The following ACOT7 variants were observed in gnomAD, a reference collection of about 807,000 sequenced individuals.
The protein encoded by ACOT7 is acyl-CoA thioesterase 7.
Under a neutral mutation model 40.2 loss-of-function variants are expected in ACOT7, and 12 were observed. That is an observed-to-expected ratio of 0.30 (90% CI 0.19 to 0.48). The LOEUF is 0.48. ACOT7 is among the 20% of genes least tolerant of loss of function. The pLI is 0.99. For synonymous variants in ACOT7, 228 were observed against 219.5 expected (o/e 1.04, Z -0.34); for missense variants, 395 against 530.8 (o/e 0.74, Z 2.51).
intron 7 of ACOT7, among the ~76,000 whole-genome samples, chr1:6,293,034 C>T (rs1225461898): frequency 6.6e-6 from 1 of 151,724 alleles, no homozygotes; most frequent in African/African-American, 2.4e-5. Flanking sequence ...GGACTACAGG[C>T]ACCCGCCACC....
chr1:6,376,788 C>T (rs1045141875), intron 1 of ACOT7, among the ~76,000 whole-genome samples: 2 of 147,108 alleles, frequency 1.4e-5, no homozygotes, highest in East Asian at 4.0e-4. Context: ...CCCAGCTACT[C>T]GGGAGGCTGA....
At chr1:6,360,601 C>T (rs146144846) in intron 1 of ACOT7, 26 of 1,614,224 alleles carry the variant, frequency 1.6e-5, no homozygotes, top group South Asian at 4.4e-5. Context: ...CAGGCCCTGT[C>T]GACTTCCTTT....
At chr1:6,393,227 G>T in intron 1 of ACOT7, 30 bp downstream of exon 1, 1 of 1,266,274 alleles carries the variant, frequency 7.9e-7, no homozygotes, top group Non-Finnish European at 9.9e-7. Context: ...GCGCCTGGCC[G>T]CTGCAGGCTG....
At chr1:6,268,609 A>C (rs1352505645) in intron 8 of ACOT7, among the ~76,000 whole-genome samples, 3 of 152,196 alleles carry the variant, frequency 2.0e-5, no homozygotes, top group African/African-American at 7.2e-5. Context: ...GCTAAGAGCT[A>C]ACTCAGGACC....
At position 6,281,170 on chromosome 1, in the gene ACOT7, C is replaced by T; in HGVS notation, c.946G>A (p.Ala316Thr). ...VDSSQKRYRA[A>T]SAFFTYVSLS... ...GACACGTAGGTGAAGAAGGCACTGG[C>T]GGCCCGGTAGCGCTTCTGAGAGCTG... Residue 316 changes from alanine (A) to threonine (T), a missense_variant, in exon 8 of 9, where the codon GCC (alanine) becomes ACC (threonine). Physicochemically the swap from Ala to Thr is moderately conservative, Grantham distance 58 (BLOSUM62 0). Around this residue, in one of 2 missense-constraint regions of ACOT7, gnomAD observed 309 missense variants for 470.3 expected, o/e 0.66. Transcript: ENST00000361521. 1.2e-6 allele frequency: 2 copies of T among 1,614,160 alleles called. No individual in the cohort carries two copies. Among genetic ancestry groups the T allele is most frequent in the Non-Finnish European group, 1.7e-6 (2 of 1,180,054 alleles).
Position 6,358,199 on chromosome 1 carries a change from G to T in ACOT7, c.144-8333C>A, listed in dbSNP as rs2148463945. 6.6e-6 allele frequency among the ~76,000 whole-genome samples: 1 copy of T among 152,214 alleles called. No individual in the cohort carries two copies. The highest frequency in any genetic ancestry group is 6.5e-5 in the Admixed American group (1 of 15,288). ...TTCTCCTCTTTGACTTGCTGCCTAA[G>T]GCAGTTCCGGCGAAGTCCCTTCAAC... On this transcript the variant is annotated intron_variant, in intron 1 of 8. Coordinates refer to ENST00000361521, the MANE Select transcript of ACOT7 (RefSeq NM_007274.4). The surrounding 1 kb of genome is among the most constrained non-coding windows in gnomAD (Gnocchi z 4.1).
In ACOT7 at chr1:6,360,756, T is replaced by C. The variant is rs1386919798; in HGVS notation, c.144-10890A>G. The C allele has an allele frequency of 8.9e-6, 14 of 1,572,126 alleles. No homozygotes were observed. The Admixed American group carries it at 2.5e-4, about 28-fold the overall frequency. On this transcript the variant is annotated intron_variant, in intron 1 of 8. Coordinates refer to ENST00000361521, the MANE Select transcript of ACOT7 (RefSeq NM_007274.4). ...ACTGTGCCCTTTGGACTTGGCCTCA[T>C]CCCTCCAGGCGGGCATTGCTGCCTC...
At chr1:6,270,185 T>C (rs755317540) in intron 8 of ACOT7, among the ~76,000 whole-genome samples, 1 of 152,250 alleles carries the variant, frequency 6.6e-6, no homozygotes, top group Non-Finnish European at 1.5e-5. Flanking sequence ...GCAAGACAGA[T>C]GTCTCCAGCA....
chr1:6,385,773 C>T, intron 1 of ACOT7: 3 of 1,453,180 alleles, frequency 2.1e-6, no homozygotes, highest in Non-Finnish European at 2.7e-6. Flanking sequence ...TGTGATCCCT[C>T]CCTGATAGAA....
intron 6 of ACOT7, among the ~76,000 whole-genome samples, chr1:6,302,038 G>A (rs1357250141): frequency 6.6e-6 from 1 of 152,198 alleles, no homozygotes; most frequent in African/African-American, 2.4e-5. Flanking sequence ...CAGGCCAGGG[G>A]GGCTGTCGTA....
rs1641623416 is a variant in ACOT7 at position 6,352,581 on chromosome 1, C to T, written c.144-2715G>A. Among the ~76,000 whole-genome samples, 2 of 151,388 alleles carry T rather than the reference C, an allele frequency of 1.3e-5. No homozygotes were observed. Among genetic ancestry groups the T allele is most frequent in the African/African-American group, 2.4e-5 (1 of 41,110 alleles). ...AGCTGCTGCGTCTCACTGGAGACTT[C>T]GTTTTCCCATTTCTTTTTTTTTTTT... On this transcript the variant is annotated intron_variant, in intron 1 of 8. Coordinates refer to ENST00000361521, the MANE Select transcript of ACOT7 (RefSeq NM_007274.4). This position sits in a 1 kb window ranked among gnomAD's most constrained non-coding sequence, Gnocchi z 4.5.
At chr1:6,363,041 A>AT (rs1641924545) in intron 1 of ACOT7, among the ~76,000 whole-genome samples, 1 of 152,248 alleles carries the variant, frequency 6.6e-6, no homozygotes, top group Non-Finnish European at 1.5e-5. Flanking sequence ...CATAGACGTG[A>AT]TTATATATGA....
At chr1:6,280,138 C>T (rs773435972) in intron 8 of ACOT7, among the ~76,000 whole-genome samples, 5 of 152,224 alleles carry the variant, frequency 3.3e-5, no homozygotes, top group East Asian at 1.9e-4. Flanking sequence ...TCCATGAGAA[C>T]GCCAGCTCCC....
chr1:6,329,968 C>A (rs1408691643), intron 4 of ACOT7, among the ~76,000 whole-genome samples: 1 of 152,046 alleles, frequency 6.6e-6, no homozygotes, highest in East Asian at 1.9e-4. Context: ...GAAGGTGGAG[C>A]AAAGAAAAGA....
rs1436600596 is a variant in ACOT7 at position 6,282,944 on chromosome 1, T to C, written c.830-1658A>G. On this transcript the variant is annotated intron_variant, in intron 7 of 8. Transcript: ENST00000361521. This position sits in a 1 kb window ranked among gnomAD's most constrained non-coding sequence, Gnocchi z 4.5. ...TCTCCCAGCATCTCTGCCTCCTTCC[T>C]CACAATGCCCAGCCCACATCCCTCA... is the stretch of plus-strand genomic sequence containing the variant. 1.0e-5 allele frequency: 5 copies of C among 490,494 alleles called. No homozygotes were observed. Among genetic ancestry groups the C allele is most frequent in the African/African-American group, 2.0e-5 (1 of 50,394 alleles). The allele number at this position is 490,494 out of a possible 1,614,324, so 30.4% of individuals were successfully genotyped here.
At chr1:6,342,685 C>A (rs988523269) in intron 2 of ACOT7, among the ~76,000 whole-genome samples, 3 of 152,236 alleles carry the variant, frequency 2.0e-5, no homozygotes, top group Non-Finnish European at 2.9e-5. Context: ...GAACATTCTT[C>A]TTCTGTTAGA....
Position 6,266,704 on chromosome 1 carries a change from T to C in ACOT7, c.1015-2009A>G, listed in dbSNP as rs534178982. ...TCCCCTGTGGAATTGCTTGGTGATG[T>C]GGAGGGAAGCTGCAGCTTCTTGTCT... On this transcript the variant is annotated intron_variant, in intron 8 of 8. Transcript: ENST00000361521. Among the ~76,000 whole-genome samples, 30 of 152,344 alleles carry C rather than the reference T, an allele frequency of 2.0e-4. No homozygotes were observed. In the Middle Eastern group the frequency reaches 0.01, roughly 52 times the overall value.
chr1:6,264,612 C>T lies in ACOT7; in HGVS notation c.1098G>A (p.Ala366=), dbSNP rs371091558. ...AGGAGGGAGTCTAGGGCTGAGGCTC[C>T]GCGTGGCCCTGTCGCTTCGCCTTCA... The part of the protein sequence containing the change: ...LQMKAKRQGH[A]EPQP Residue 366 remains alanine, a synonymous_variant, in exon 9 of 9, where the codon GCG becomes GCA. Transcript: ENST00000361521. The T allele has an allele frequency of 6.8e-5, 110 of 1,612,328 alleles. No homozygotes were observed. Among genetic ancestry groups the T allele is most frequent in the Non-Finnish European group, 8.3e-5 (98 of 1,179,724 alleles).
intron 1 of ACOT7, among the ~76,000 whole-genome samples, chr1:6,356,760 T>TAGAAAAAAAA (rs1641755367): frequency 6.6e-6 from 1 of 150,482 alleles, no homozygotes; most frequent in Non-Finnish European, 1.5e-5. Context: ...CTATTAAAAA[T>TAGAAAAAAAA]AGAAAAAAAA....
Sources: allele counts gnomAD v4.1 joint callset (sites outside exome capture counted in the v4.1 genomes callset), GRCh38; gene constraint gnomAD v4.1.1; regional missense constraint gnomAD v4.1.1; non-coding constraint Gnocchi (gnomAD v3.1); transcripts MANE v1.5; gene names NCBI Gene and HGNC (gene_info 2026-07-23, HGNC 2026-07-21).